ZNF678: variants seen among roughly 807,000 people sequenced by gnomAD.
ZNF678 encodes zinc finger protein 678.
In ZNF678, 5 loss-of-function variants were observed where a neutral mutation model predicts 3.0. That is an observed-to-expected ratio of 1.69 (90% CI 0.88 to 3.56). ZNF678 has a LOEUF of 3.56. ZNF678 is among the 30% of genes most tolerant of loss of function. The pLI is 0.00. For missense variants in ZNF678, 593 were observed against 605.0 expected, an observed-to-expected ratio of 0.98 and a Z score of 0.21; for synonymous variants, 218 against 199.6, an observed-to-expected ratio of 1.09 and a Z score of -0.78.
rs570475918 is a variant in ZNF678 at position 227,589,894 on chromosome 1, T to C, written c.-164+26170T>C. ...AGCAGAAATTGGGCATAAGACAATA[T>C]GAGGGGCAGTCTCCTCCTTTATTCC... On this transcript the variant is annotated intron_variant, in intron 1 of 3. Transcript: ENST00000343776. 7.2e-5 allele frequency among the ~76,000 whole-genome samples: 11 copies of C among 151,882 alleles called. No individual in the cohort carries two copies. In the South Asian group the frequency reaches 2.3e-3, roughly 32 times the overall value.
At chr1:227,604,394 T>A (rs1426154917) in intron 1 of ZNF678, among the ~76,000 whole-genome samples, 2 of 152,200 alleles carry the variant, frequency 1.3e-5, no homozygotes, top group African/African-American at 2.4e-5. Context: ...TCCCTGAGGG[T>A]TATTTTTTTG....
At chr1:227,606,640 T>G (rs1657878808) in intron 1 of ZNF678, among the ~76,000 whole-genome samples, 1 of 152,096 alleles carries the variant, frequency 6.6e-6, no homozygotes, top group African/African-American at 2.4e-5. Flanking sequence ...GGTCTTTCCC[T>G]TCCCACGAGG....
chr1:227,611,831 C>T (rs1346758543), intron 1 of ZNF678, among the ~76,000 whole-genome samples: 2 of 150,704 alleles, frequency 1.3e-5, no homozygotes, highest in East Asian at 3.9e-4. Flanking sequence ...TTGAATTCAT[C>T]TACTGAAAAC....
chr1:227,585,477 A>G (rs1657234107), intron 1 of ZNF678, among the ~76,000 whole-genome samples: 1 of 152,210 alleles, frequency 6.6e-6, no homozygotes, highest in Non-Finnish European at 1.5e-5. Context: ...TAGAAAACAA[A>G]ATGCTTAAAG....
intron 1 of ZNF678, among the ~76,000 whole-genome samples, chr1:227,627,903 G>A (rs920872397): frequency 1.3e-5 from 2 of 152,192 alleles, no homozygotes; most frequent in Non-Finnish European, 2.9e-5. Context: ...CCCCTCGAGC[G>A]GTGTAGGTTT....
At chr1:227,585,919 A>G (rs1657248473) in intron 1 of ZNF678, among the ~76,000 whole-genome samples, 1 of 152,208 alleles carries the variant, frequency 6.6e-6, no homozygotes, top group African/African-American at 2.4e-5. Flanking sequence ...AATGATCACT[A>G]AATAAGTTAC....
chr1:227,568,537 A>G (rs538772470), intron 1 of ZNF678, among the ~76,000 whole-genome samples: 66 of 152,314 alleles, frequency 4.3e-4, no homozygotes, highest in African/African-American at 1.3e-3. Context: ...TACGCACCCA[A>G]TCTTCTCCTG....
chr1:227,584,359 C>T (rs1351263745), intron 1 of ZNF678, among the ~76,000 whole-genome samples: 1 of 152,140 alleles, frequency 6.6e-6, no homozygotes, highest in African/African-American at 2.4e-5. Flanking sequence ...TTTATCCACT[C>T]TCCTCTCAAA....
chr1:227,673,001 A>G (rs1360535630), intron 5 of ZNF678, among the ~76,000 whole-genome samples: 1 of 152,116 alleles, frequency 6.6e-6, no homozygotes, highest in Non-Finnish European at 1.5e-5. Context: ...GGGTTGGCTC[A>G]ACTCTTCTTC....
intron 3 of ZNF678, among the ~76,000 whole-genome samples, chr1:227,653,085 T>C (rs1238141947): frequency 1.3e-5 from 2 of 152,136 alleles, no homozygotes; most frequent in Non-Finnish European, 2.9e-5. Context: ...ATTATATCAC[T>C]CAACTCCATT....
intron 1 of ZNF678, among the ~76,000 whole-genome samples, chr1:227,642,055 ATC>A (rs1658835071): frequency 6.6e-6 from 1 of 152,210 alleles, no homozygotes; most frequent in Non-Finnish European, 1.5e-5. Context: ...CATGAGGGCT[ATC>A]TCTCCTCCAG....
At chr1:227,669,706 C>T (rs1404949111) in intron 5 of ZNF678, among the ~76,000 whole-genome samples, 1 of 151,044 alleles carries the variant, frequency 6.6e-6, no homozygotes, top group African/African-American at 2.4e-5. Flanking sequence ...AAATACAACA[C>T]ATGCTATCAA....
At chr1:227,613,869 C>G (rs1165357029) in intron 1 of ZNF678, among the ~76,000 whole-genome samples, 3 of 152,172 alleles carry the variant, frequency 2.0e-5, no homozygotes, top group East Asian at 1.9e-4. Flanking sequence ...CTGGTGCCAA[C>G]AAGTACTGCT....
At chr1:227,565,082 G>A (rs1165814272) in intron 1 of ZNF678, among the ~76,000 whole-genome samples, 2 of 30,284 alleles carry the variant, frequency 6.6e-5, no homozygotes, top group African/African-American at 1.2e-4. Context: ...TTTTTTTTTG[G>A]TTGAGTTGGA....
At chr1:227,650,032 G>A (rs1168423196) in intron 2 of ZNF678, among the ~76,000 whole-genome samples, 3 of 151,950 alleles carry the variant, frequency 2.0e-5, no homozygotes, top group African/African-American at 7.3e-5. Context: ...AGTCCAACTT[G>A]TTAATATTTG....
chr1:227,648,604 G>C (rs539123176), intron 2 of ZNF678, among the ~76,000 whole-genome samples: 1 of 152,260 alleles, frequency 6.6e-6, no homozygotes, highest in African/African-American at 2.4e-5. Flanking sequence ...GATCACTTGT[G>C]GTTAGGAGTT....
intron 3 of ZNF678, among the ~76,000 whole-genome samples, chr1:227,652,907 T>C (rs1659124629): frequency 6.6e-6 from 1 of 152,130 alleles, no homozygotes. Flanking sequence ...TTATTTTCAA[T>C]GGGCTGGAGT....
chr1:227,669,916 C>T (rs552424492), intron 5 of ZNF678, among the ~76,000 whole-genome samples: 31 of 152,116 alleles, frequency 2.0e-4, no homozygotes, highest in Non-Finnish European at 3.8e-4. Flanking sequence ...CTCATCACTG[C>T]AGTACTCACA....
intron 1 of ZNF678, chr1:227,598,496 T>C: frequency 7.3e-7 from 1 of 1,362,770 alleles, no homozygotes; most frequent in Non-Finnish European, 9.4e-7. Context: ...TCTTTTTCTT[T>C]TTTTGTTTTT....
Sources: gnomAD v4.1 joint callset for allele counts (sites outside exome capture counted in the v4.1 genomes callset) on GRCh38, gnomAD v4.1.1 for gene constraint, MANE v1.5 for transcripts, NCBI Gene and HGNC (gene_info 2026-07-23, HGNC 2026-07-21) for gene names.